Variants in GPR139 observed in about 807,000 individuals in gnomAD.
GPR139 encodes the protein probable G protein-coupled receptor 139.
Under a neutral mutation model 25.8 loss-of-function variants are expected in GPR139, and 12 were observed. The observed-to-expected ratio is 0.47, with a 90% CI of 0.30 to 0.75. The LOEUF (loss-of-function observed/expected upper bound fraction) is 0.75, where lower values mean the gene tolerates loss of function less well. Among genes scored for constraint, GPR139 ranks in the 30% least tolerant of loss-of-function variants. The pLI, the probability that GPR139 is intolerant of heterozygous loss-of-function variation, is 0.07. For missense variants in GPR139, 380 were observed against 450.2 expected, an observed-to-expected ratio of 0.84 and a Z score of 1.41; for synonymous variants, 184 against 179.9, an observed-to-expected ratio of 1.02 and a Z score of -0.18.
intron 1 of GPR139, among the ~76,000 whole-genome samples, chr16:20,064,906 A>G (rs1210523501): frequency 6.6e-6 from 1 of 152,216 alleles, no homozygotes; most frequent in African/African-American, 2.4e-5. Flanking sequence ...TGTTGTTAGC[A>G]TGCAATGTGT....
intron 1 of GPR139, among the ~76,000 whole-genome samples, chr16:20,053,897 T>C (rs1596468869): frequency 6.6e-6 from 1 of 152,128 alleles, no homozygotes; most frequent in Non-Finnish European, 1.5e-5. Context: ...GCCAATTTCC[T>C]GGTCATTATC....
At chr16:20,040,544 A>G (rs1365758042) in intron 1 of GPR139, among the ~76,000 whole-genome samples, 1 of 152,206 alleles carries the variant, frequency 6.6e-6, no homozygotes, top group Non-Finnish European at 1.5e-5. Context: ...ACTTATTATG[A>G]CTATTTTTGT....
At chr16:20,072,862 C>T (rs1435473082) in intron 1 of GPR139, among the ~76,000 whole-genome samples, 1 of 152,206 alleles carries the variant, frequency 6.6e-6, no homozygotes, top group African/African-American at 2.4e-5. Context: ...CTGTGTGTCT[C>T]TGCACCCTTG....
intron 1 of GPR139, among the ~76,000 whole-genome samples, chr16:20,057,931 T>G (rs914524594): frequency 7.2e-5 from 11 of 152,192 alleles, no homozygotes; most frequent in Non-Finnish European, 1.6e-4. Flanking sequence ...CCATTTCATG[T>G]GCATCTCTGT....
At chr16:20,041,248 GAGGGAAGGAGAAAAGA>G (rs2057333731) in intron 1 of GPR139, among the ~76,000 whole-genome samples, 13 of 6,238 alleles carry the variant, frequency 2.1e-3, no homozygotes, top group Admixed American at 3.3e-3. Context: ...GAGGAGAGGA[GAGGGAAGGAGAAAAGA>G]AAAGCATCTC....
intron 1 of GPR139, among the ~76,000 whole-genome samples, chr16:20,048,156 G>A (rs1331692565): frequency 1.3e-5 from 2 of 152,174 alleles, no homozygotes; most frequent in Non-Finnish European, 2.9e-5. Context: ...AGAAGCAAAA[G>A]GCTGGTTAAC....
intron 1 of GPR139, among the ~76,000 whole-genome samples, chr16:20,044,241 G>T (rs1014665200): frequency 2.0e-5 from 3 of 152,112 alleles, no homozygotes. Context: ...ACAGTCTTCT[G>T]GTATATTTCT....
intron 1 of GPR139, among the ~76,000 whole-genome samples, chr16:20,045,182 T>C (rs1454785979): frequency 6.6e-6 from 1 of 151,966 alleles, no homozygotes; most frequent in Non-Finnish European, 1.5e-5. Context: ...ATATTTTTAG[T>C]AGAGACAGGG....
chr16:20,068,694 T>C (rs1024322149), intron 1 of GPR139, among the ~76,000 whole-genome samples: 11 of 152,330 alleles, frequency 7.2e-5, no homozygotes, highest in African/African-American at 2.6e-4. Context: ...GTTCTAGATC[T>C]TAGGGAAAAA....
chr16:20,066,402 C>G (rs2057434211), intron 1 of GPR139, among the ~76,000 whole-genome samples: 1 of 152,220 alleles, frequency 6.6e-6, no homozygotes, highest in Non-Finnish European at 1.5e-5. Context: ...CTAGGAGTTT[C>G]ACTGAATCAC....
intron 1 of GPR139, among the ~76,000 whole-genome samples, chr16:20,051,871 T>C (rs1462006570): frequency 1.3e-5 from 2 of 152,156 alleles, no homozygotes; most frequent in Non-Finnish European, 2.9e-5. Flanking sequence ...CTCGGCTCAG[T>C]GGTAACGAAC....
intron 1 of GPR139, among the ~76,000 whole-genome samples, chr16:20,065,493 C>T (rs1300270619): frequency 6.6e-6 from 1 of 152,148 alleles, no homozygotes. Flanking sequence ...GTCATTTCTT[C>T]ACTGTGTGAC....
rs1010669719 is a variant in GPR139 at position 20,030,830 on chromosome 16, T to G, written c.*905A>C. Among the ~76,000 whole-genome samples, 2 of 152,160 alleles carry G rather than the reference T, an allele frequency of 1.3e-5. No individual in the cohort carries two copies. Among genetic ancestry groups the G allele is most frequent in the African/African-American group, 4.8e-5 (2 of 41,434 alleles). Reference sequence around the variant, plus strand: ...GGCCTCAGCAAGCAAGGAGGCAGGGTTGGCAACTTGACACGTAAAAAGGCT... The same window carrying G: ...GGCCTCAGCAAGCAAGGAGGCAGGGGTGGCAACTTGACACGTAAAAAGGCT... On this transcript the variant is annotated 3_prime_UTR_variant, in exon 2 of 2. Coordinates refer to ENST00000570682, the MANE Select transcript of GPR139 (RefSeq NM_001002911.4).
At chr16:20,054,743 A>C (rs973681814) in intron 1 of GPR139, among the ~76,000 whole-genome samples, 35 of 131,634 alleles carry the variant, frequency 2.7e-4, no homozygotes, top group Non-Finnish European at 1.7e-5. Context: ...TTTTCTTTTT[A>C]TTTTGGCAGA....
At chr16:20,053,536 AC>A (rs1269302261) in intron 1 of GPR139, among the ~76,000 whole-genome samples, 1 of 152,178 alleles carries the variant, frequency 6.6e-6, no homozygotes, top group Non-Finnish European at 1.5e-5. Flanking sequence ...TGGCGTGTGG[AC>A]TGCAGGGAAA....
intron 1 of GPR139, among the ~76,000 whole-genome samples, chr16:20,068,049 C>G (rs894977293): frequency 1.3e-5 from 2 of 151,514 alleles, no homozygotes; most frequent in Admixed American, 6.6e-5. Flanking sequence ...GATATTTTCT[C>G]GGATATGCAT....
At chr16:20,054,776 G>T (rs2141210272) in intron 1 of GPR139, among the ~76,000 whole-genome samples, 1 of 151,862 alleles carries the variant, frequency 6.6e-6, no homozygotes, top group African/African-American at 2.4e-5. Flanking sequence ...CACCCAGGCT[G>T]CAGTGCAGTA....
chr16:20,069,265 T>C, intron 1 of GPR139, among the ~76,000 whole-genome samples: 1 of 152,216 alleles, frequency 6.6e-6, no homozygotes, highest in Non-Finnish European at 1.5e-5. Flanking sequence ...AGACTATTCT[T>C]ATAATCACTC....
At chr16:20,046,151 A>T (rs536284825) in intron 1 of GPR139, among the ~76,000 whole-genome samples, 49 of 152,336 alleles carry the variant, frequency 3.2e-4, no homozygotes, top group African/African-American at 1.2e-3. Context: ...GTGCATACAA[A>T]ATGCAGCCAA....
Sources: allele counts gnomAD v4.1 joint callset (sites outside exome capture counted in the v4.1 genomes callset), GRCh38; gene constraint gnomAD v4.1.1; transcripts MANE v1.5; gene names NCBI Gene and HGNC (gene_info 2026-07-23, HGNC 2026-07-21).